The following CERS6 variants were observed in gnomAD, a reference collection of about 807,000 sequenced individuals.
CERS6 encodes the protein ceramide synthase 6, also known as LAG1 homolog, ceramide synthase 6.
In CERS6, 26 loss-of-function variants were observed where a neutral mutation model predicts 56.8. That is an observed-to-expected ratio of 0.46 (90% CI 0.34 to 0.63). The LOEUF is 0.63. CERS6 is among the 30% of genes least tolerant of loss of function. The pLI is 0.01. For missense variants in CERS6, 415 were observed against 467.5 expected (o/e 0.89, Z 1.04); for synonymous variants, 164 against 173.3 (o/e 0.95, Z 0.42).
intron 4 of CERS6, among the ~76,000 whole-genome samples, chr2:168,642,136 C>T (rs1685066597): frequency 6.6e-6 from 1 of 152,086 alleles, no homozygotes; most frequent in South Asian, 2.1e-4. Flanking sequence ...CTTTGGGAGA[C>T]TGAGGCAGGC....
intron 1 of CERS6, among the ~76,000 whole-genome samples, chr2:168,462,892 G>T (rs1693803719): frequency 6.6e-6 from 1 of 152,118 alleles, no homozygotes; most frequent in African/African-American, 2.4e-5. Context: ...TGGATGATTG[G>T]ATGCATGGTC....
At chr2:168,615,597 G>A (rs1684297933) in intron 3 of CERS6, among the ~76,000 whole-genome samples, 1 of 149,904 alleles carries the variant, frequency 6.7e-6, no homozygotes, top group Non-Finnish European at 1.5e-5. Context: ...CAGCAATAGA[G>A]TCGAACAAGC....
intron 7 of CERS6, 70 bp downstream of exon 7, chr2:168,715,199 T>G: frequency 5.8e-6 from 8 of 1,385,692 alleles, no homozygotes; most frequent in East Asian, 2.3e-5. Context: ...TCATTAGCTC[T>G]TCAGTGTTAT....
chr2:168,669,943 G>T (rs974480735), intron 4 of CERS6, among the ~76,000 whole-genome samples: 5 of 152,174 alleles, frequency 3.3e-5, no homozygotes, highest in African/African-American at 1.2e-4. Context: ...TATCATATGG[G>T]TCTTGGATGT....
chr2:168,616,410 G>A (rs1025561196), intron 3 of CERS6, among the ~76,000 whole-genome samples: 3 of 152,094 alleles, frequency 2.0e-5, no homozygotes, highest in African/African-American at 4.8e-5. Flanking sequence ...AATGTAAATG[G>A]CCTAAGTGCT....
At chr2:168,508,717 G>C (rs997722483) in intron 1 of CERS6, among the ~76,000 whole-genome samples, 2 of 152,002 alleles carry the variant, frequency 1.3e-5, no homozygotes, top group South Asian at 4.2e-4. Context: ...GTCGGGGGGT[G>C]GGGGGTAGGG....
intron 8 of CERS6, among the ~76,000 whole-genome samples, chr2:168,723,365 G>A (rs578242409): frequency 6.6e-6 from 1 of 152,244 alleles, no homozygotes; most frequent in East Asian, 1.9e-4. Context: ...TTCTGACCCT[G>A]GAACGATATA....
intron 1 of CERS6, among the ~76,000 whole-genome samples, chr2:168,486,787 G>C (rs1297928903): frequency 1.3e-5 from 2 of 152,002 alleles, no homozygotes; most frequent in African/African-American, 4.8e-5. Flanking sequence ...GTTTCTTCTT[G>C]TTTGTGTAGT....
At chr2:168,743,815 G>A (rs1684000848) in intron 8 of CERS6, among the ~76,000 whole-genome samples, 1 of 151,912 alleles carries the variant, frequency 6.6e-6, no homozygotes, top group African/African-American at 2.4e-5. Flanking sequence ...ATCCAGCACA[G>A]GATCCAACTA....
intron 3 of CERS6, among the ~76,000 whole-genome samples, chr2:168,569,083 T>C (rs2105387103): frequency 6.6e-6 from 1 of 152,298 alleles, no homozygotes; most frequent in Admixed American, 6.5e-5. Context: ...TACCGCAGAC[T>C]GTGTGGCTTA....
intron 6 of CERS6, among the ~76,000 whole-genome samples, chr2:168,709,470 A>G (rs1377428442): frequency 6.6e-6 from 1 of 152,070 alleles, no homozygotes; most frequent in Admixed American, 6.5e-5. Flanking sequence ...AAAGGTCAAC[A>G]TTAGGGTAAA....
intron 3 of CERS6, among the ~76,000 whole-genome samples, chr2:168,620,054 C>T (rs1335968350): frequency 1.4e-5 from 2 of 138,322 alleles, no homozygotes; most frequent in Non-Finnish European, 3.1e-5. Context: ...CACACACACA[C>T]ACACACACAT....
At chr2:168,530,127 A>G (rs1043018385) in intron 1 of CERS6, among the ~76,000 whole-genome samples, 3 of 152,204 alleles carry the variant, frequency 2.0e-5, no homozygotes, top group African/African-American at 7.2e-5. Flanking sequence ...GCCGAGGGGT[A>G]TGGTTAAAGG....
At chr2:168,609,412 G>A (rs1221699395) in intron 3 of CERS6, among the ~76,000 whole-genome samples, 2 of 152,218 alleles carry the variant, frequency 1.3e-5, no homozygotes, top group Middle Eastern at 3.4e-3. Flanking sequence ...TGCCTTTATT[G>A]TGCTTTTTAC....
At position 168,773,224 on chromosome 2, in the gene CERS6, G is replaced by C. The variant is rs1416402731; in HGVS notation, c.*3562G>C. 3.3e-5 allele frequency: 5 copies of C among 152,148 alleles called. No individual in the cohort carries two copies. The highest frequency in any genetic ancestry group is 4.8e-5 in the African/African-American group (2 of 41,428). The allele number at this position is 152,148 out of a possible 1,614,324, so 9.4% of individuals were successfully genotyped here. ...GGAAATGTTAATGCCAAAGTTGCCT[G>C]AACATTGGGCGGTTTTCTTAATTTG... On this transcript the variant is annotated 3_prime_UTR_variant, in exon 10 of 10. Coordinates refer to ENST00000305747, the MANE Select transcript of CERS6 (RefSeq NM_203463.3).
chr2:168,514,921 A>G (rs1158017589), intron 1 of CERS6, among the ~76,000 whole-genome samples: 1 of 152,196 alleles, frequency 6.6e-6, no homozygotes, highest in Admixed American at 6.5e-5. Context: ...ACTTTGCAGC[A>G]CCATCTGAAA....
At chr2:168,720,601 T>G (rs1687339292) in intron 8 of CERS6, among the ~76,000 whole-genome samples, 1 of 152,224 alleles carries the variant, frequency 6.6e-6, no homozygotes, top group South Asian at 2.1e-4. Flanking sequence ...AACACCTTTG[T>G]GCTGAAGTTT....
intron 1 of CERS6, among the ~76,000 whole-genome samples, chr2:168,536,560 C>T (rs1221044513): frequency 6.6e-6 from 1 of 152,034 alleles, no homozygotes; most frequent in African/African-American, 2.4e-5. Flanking sequence ...CTCAAATATA[C>T]ACAACAAAAT....
At chr2:168,695,963 A>G (rs1043462610) in intron 6 of CERS6, among the ~76,000 whole-genome samples, 2 of 152,170 alleles carry the variant, frequency 1.3e-5, no homozygotes, top group Non-Finnish European at 2.9e-5. Context: ...CATGATCCTC[A>G]AAGTAAATAA....
Sources: allele counts gnomAD v4.1 joint callset (sites outside exome capture counted in the v4.1 genomes callset), GRCh38; gene constraint gnomAD v4.1.1; transcripts MANE v1.5; gene names NCBI Gene and HGNC (gene_info 2026-07-23, HGNC 2026-07-21).